Variants in PRR16 observed in about 807,000 individuals in gnomAD.
PRR16 encodes the protein protein Largen.
In PRR16, 6 loss-of-function variants were observed where a neutral mutation model predicts 18.2. That is an observed-to-expected ratio of 0.33 (90% CI 0.18 to 0.65). The LOEUF (loss-of-function observed/expected upper bound fraction) is 0.65, where lower values mean the gene tolerates loss of function less well. Ranked by LOEUF, PRR16 falls within the 30% of genes least tolerant of loss-of-function variation. The pLI is 0.74. For missense variants in PRR16, 412 were observed against 376.6 expected (o/e 1.09, Z -0.78); for synonymous variants, 151 against 147.8 (o/e 1.02, Z -0.16).
chr5:120,792,121 CAAT>C, the PRR16 span, among the ~76,000 whole-genome samples: 272 of 152,070 alleles, frequency 1.8e-3, no homozygotes, highest in Non-Finnish European at 3.5e-4. Context: ...AAATATTTGA[CAAT>C]AAAATTAATC....
At chr5:120,493,496 T>G (rs1750136485) in intron 1 of PRR16, among the ~76,000 whole-genome samples, 1 of 152,200 alleles carries the variant, frequency 6.6e-6, no homozygotes, top group African/African-American at 2.4e-5. Context: ...TAGATTCTCA[T>G]GCAGTTATAA....
intron 1 of PRR16, among the ~76,000 whole-genome samples, chr5:120,595,442 A>AG (rs1484028103): frequency 1.3e-5 from 2 of 151,700 alleles, no homozygotes; most frequent in Non-Finnish European, 2.9e-5. Context: ...GTCAAAAAAA[A>AG]AATAAAAAGA....
chr5:120,793,596 C>T, the PRR16 span, among the ~76,000 whole-genome samples: 2 of 152,014 alleles, frequency 1.3e-5, no homozygotes, highest in Admixed American at 6.6e-5. Flanking sequence ...CAGATCTCAC[C>T]TATCTACATC....
At chr5:120,754,166 A>AATAT in the PRR16 span, among the ~76,000 whole-genome samples, 2 of 98,754 alleles carry the variant, frequency 2.0e-5, no homozygotes, top group African/African-American at 8.0e-5. Context: ...ATGATATATA[A>AATAT]ATATAAATAT....
the PRR16 span, among the ~76,000 whole-genome samples, chr5:120,725,177 A>G: frequency 2.6e-5 from 4 of 152,034 alleles, no homozygotes; most frequent in Non-Finnish European, 4.4e-5. Flanking sequence ...TGAGGCTTGG[A>G]GGCTGAAGCA....
intron 1 of PRR16, among the ~76,000 whole-genome samples, chr5:120,503,384 T>C (rs1750530302): frequency 6.6e-6 from 1 of 152,200 alleles, no homozygotes; most frequent in African/African-American, 2.4e-5. Context: ...CACTTAGAGC[T>C]AAGAAAAATT....
intron 1 of PRR16, among the ~76,000 whole-genome samples, chr5:120,496,075 T>G (rs1407783788): frequency 6.6e-6 from 1 of 152,056 alleles, no homozygotes; most frequent in Non-Finnish European, 1.5e-5. Flanking sequence ...GATTATGTGA[T>G]TTTTCTTCTT....
At chr5:120,729,853 C>T in the PRR16 span, among the ~76,000 whole-genome samples, 3 of 151,976 alleles carry the variant, frequency 2.0e-5, no homozygotes, top group Non-Finnish European at 4.4e-5. Context: ...AAAAGTTGTA[C>T]GTGATGGAGG....
intron 1 of PRR16, among the ~76,000 whole-genome samples, chr5:120,621,844 T>C (rs950419569): frequency 2.0e-5 from 3 of 152,164 alleles, no homozygotes; most frequent in African/African-American, 7.2e-5. Flanking sequence ...TGAACCTCTT[T>C]CCTTTATAAA....
At chr5:120,699,959 A>T in the PRR16 span, among the ~76,000 whole-genome samples, 4 of 152,212 alleles carry the variant, frequency 2.6e-5, no homozygotes, top group African/African-American at 9.6e-5. Context: ...GAAGCTTTGC[A>T]GCAGTACAGC....
At chr5:120,494,391 G>C (rs975546336) in intron 1 of PRR16, among the ~76,000 whole-genome samples, 8 of 151,928 alleles carry the variant, frequency 5.3e-5, no homozygotes, top group Non-Finnish European at 1.0e-4. Flanking sequence ...GCCCAGGCTG[G>C]TCTCAAACTC....
the PRR16 span, among the ~76,000 whole-genome samples, chr5:120,712,774 TATC>T: frequency 6.6e-6 from 1 of 152,110 alleles, no homozygotes; most frequent in South Asian, 2.1e-4. Flanking sequence ...CACAATGAGT[TATC>T]ATTTATACTT....
the PRR16 span, among the ~76,000 whole-genome samples, chr5:120,736,607 T>G: frequency 6.8e-6 from 1 of 147,650 alleles, no homozygotes; most frequent in African/African-American, 2.5e-5. Context: ...TTTTTAGAGT[T>G]TTTTTCTATT....
chr5:120,752,332 A>G, the PRR16 span, among the ~76,000 whole-genome samples: 2 of 152,078 alleles, frequency 1.3e-5, no homozygotes, highest in Admixed American at 6.6e-5. Context: ...AATAGATAAC[A>G]GTGGAGATAA....
At chr5:120,483,191 A>G (rs1020557300) in intron 1 of PRR16, among the ~76,000 whole-genome samples, 6 of 152,196 alleles carry the variant, frequency 3.9e-5, no homozygotes, top group Admixed American at 6.6e-5. Context: ...CATGGTTTCC[A>G]GGGAAAAAAG....
At chr5:120,710,700 C>T in the PRR16 span, 1 of 152,038 alleles carries the variant, frequency 6.6e-6, no homozygotes, top group Non-Finnish European at 1.5e-5. Context: ...AAATTCAGTC[C>T]CACAGTGATT....
At chr5:120,534,341 A>T (rs781324923) in intron 1 of PRR16, among the ~76,000 whole-genome samples, 1 of 152,156 alleles carries the variant, frequency 6.6e-6, no homozygotes, top group African/African-American at 2.4e-5. Flanking sequence ...AAAAGATATT[A>T]TATTTTTCCT....
chr5:120,563,993 C>T (rs1246285037), intron 1 of PRR16, among the ~76,000 whole-genome samples: 2 of 152,102 alleles, frequency 1.3e-5, no homozygotes. Flanking sequence ...CTGTCGTCTT[C>T]TCTTCAGGGC....
At chr5:120,581,707 TG>T (rs1347610857) in intron 1 of PRR16, among the ~76,000 whole-genome samples, 2 of 152,194 alleles carry the variant, frequency 1.3e-5, no homozygotes, top group Non-Finnish European at 2.9e-5. Context: ...CCAGAGATTC[TG>T]GTATGTTGTC....
Sources: allele counts gnomAD v4.1 joint callset (sites outside exome capture counted in the v4.1 genomes callset), GRCh38; gene constraint gnomAD v4.1.1; transcripts MANE v1.5; gene names NCBI Gene and HGNC (gene_info 2026-07-23, HGNC 2026-07-21).